CPE: variants seen among roughly 807,000 people sequenced by gnomAD.
CPE encodes the protein carboxypeptidase E.
A neutral mutation model predicts 53.5 loss-of-function variants in CPE; 17 were observed. The ratio of observed to expected loss-of-function variants is 0.32; its 90% CI spans 0.22 to 0.48. CPE has a LOEUF of 0.48. Among genes scored for constraint, CPE ranks in the 20% least tolerant of loss-of-function variants. The pLI is 0.99. For missense variants in CPE, 524 were observed against 614.7 expected (o/e 0.85, Z 1.56); for synonymous variants, 226 against 228.8 (o/e 0.99, Z 0.11).
intron 1 of CPE, among the ~76,000 whole-genome samples, chr4:165,422,971 T>C (rs77549778): frequency 0.3 from 37,102 of 124,470 alleles, 5,443 homozygotes; most frequent in Middle Eastern, 0.41. Flanking sequence ...AACGAAACTC[T>C]GTCTCAAAAA....
chr4:165,379,610 G>A lies in CPE; in HGVS notation c.307+82G>A. ...GTGGGACTGGTGGCGGTGGGGGAAGGAGGGAGGGATGGGCCCAGGGGTGCC... is the reference window on the plus strand; with the variant it reads ...GTGGGACTGGTGGCGGTGGGGGAAGAAGGGAGGGATGGGCCCAGGGGTGCC... On this transcript the variant is annotated intron_variant, in intron 1 of 8. Transcript: ENST00000402744. This position sits in a 1 kb window ranked among gnomAD's most constrained non-coding sequence, Gnocchi z 6.0. The A allele has an allele frequency of 2.3e-6, 2 of 865,152 alleles. No individual in the cohort carries two copies. Among genetic ancestry groups the A allele is most frequent in the Non-Finnish European group, 3.3e-6 (2 of 613,616 alleles). 53.6% of individuals were successfully genotyped at this position (865,152 alleles called of 1,614,324 possible).
At chr4:165,454,129 T>C (rs572228889) in intron 1 of CPE, among the ~76,000 whole-genome samples, 1 of 152,214 alleles carries the variant, frequency 6.6e-6, no homozygotes, top group African/African-American at 2.4e-5. Flanking sequence ...TTCCTGAAAA[T>C]TAAAAAAGCC....
At chr4:165,390,182 A>G (rs1730657711) in intron 1 of CPE, among the ~76,000 whole-genome samples, 1 of 152,192 alleles carries the variant, frequency 6.6e-6, no homozygotes, top group Non-Finnish European at 1.5e-5. Flanking sequence ...CAGATTAATT[A>G]CTGTATCCAC....
chr4:165,472,450 A>G (rs1438329983), intron 3 of CPE, among the ~76,000 whole-genome samples: 3 of 152,240 alleles, frequency 2.0e-5, no homozygotes, highest in Admixed American at 6.5e-5. Context: ...GCACACAATT[A>G]TGTAGCATAA....
chr4:165,392,487 T>TG (rs1730699216), intron 1 of CPE, among the ~76,000 whole-genome samples: 2 of 145,506 alleles, frequency 1.4e-5, no homozygotes, highest in Non-Finnish European at 3.0e-5. Flanking sequence ...TATCATATAT[T>TG]TACAATATAT....
At chr4:165,495,489 G>A (rs1273367322) in intron 7 of CPE, 70 bp from the exon 8 acceptor site, 4 of 990,686 alleles carry the variant, frequency 4.0e-6, no homozygotes, top group Non-Finnish European at 6.2e-6. Context: ...TCCTTAGATG[G>A]CATAATTATG....
chr4:165,442,921 A>T (rs970563689), intron 1 of CPE, among the ~76,000 whole-genome samples: 1 of 152,220 alleles, frequency 6.6e-6, no homozygotes, highest in African/African-American at 2.4e-5. Flanking sequence ...GCTGTCCCAG[A>T]ATTCAGAACC....
In CPE at chr4:165,404,262, C is replaced by T; in HGVS notation, c.307+24734C>T. 2.3e-5 allele frequency: 18 copies of T among 767,730 alleles called. 1 individual carries two copies. In the South Asian group the frequency reaches 2.4e-4, roughly 10 times the overall value. The allele number at this position is 767,730 out of a possible 1,614,324, so 47.6% of individuals were successfully genotyped here. A position where few individuals can be genotyped will look rare whatever the true frequency, so the allele number is the denominator to read the frequency against. ...CCGAAGACGGCTCCAATGTCTCCCT[C>T]TGCAGGTGTGGCCAAGATCCCCTCT... On this transcript the variant is annotated intron_variant, in intron 1 of 8. Coordinates refer to ENST00000402744, the MANE Select transcript of CPE (RefSeq NM_001873.4).
At chr4:165,393,942 G>A (rs1366074574) in intron 1 of CPE, among the ~76,000 whole-genome samples, 6 of 152,190 alleles carry the variant, frequency 3.9e-5, no homozygotes, top group Non-Finnish European at 8.8e-5. Flanking sequence ...TCTCTAAGAA[G>A]AAACAAGCTT....
At chr4:165,442,830 G>A (rs1372755008) in intron 1 of CPE, among the ~76,000 whole-genome samples, 1 of 152,146 alleles carries the variant, frequency 6.6e-6, no homozygotes, top group African/African-American at 2.4e-5. Context: ...TCCTAGTTCT[G>A]ATTCTGTGCC....
chr4:165,461,903 G>A (rs191606180), intron 1 of CPE, among the ~76,000 whole-genome samples: 6 of 152,354 alleles, frequency 3.9e-5, no homozygotes, highest in Admixed American at 3.9e-4. Context: ...GAGGACAGAA[G>A]GAGTTAGAGA....
chr4:165,467,679 T>C lies in CPE; in HGVS notation c.505-9T>C, dbSNP rs1241309999. ...TAATGATTTTTCTCTTTGACTTTTT[T>C]TTTTTTAGCCTGGTGAACTCAAGGA... On this transcript the variant is annotated splice_polypyrimidine_tract_variant and intron_variant, in intron 2 of 8. Transcript: ENST00000402744. 6.4e-7 allele frequency: 1 copy of C among 1,570,458 alleles called. No homozygotes were observed. The highest frequency in any genetic ancestry group is 8.6e-7 in the Non-Finnish European group (1 of 1,165,104).
rs1476676331 is a variant in CPE, at chr4:165,467,690, T to C, written c.507T>C (p.Pro169=). 6.4e-7 allele frequency: 1 copy of C among 1,573,172 alleles called. No homozygotes were observed. The highest frequency in any genetic ancestry group is 1.4e-5 in the African/African-American group (1 of 72,278). The change falls in exon 3 of 9, where the codon CCT becomes CCC. Residue 169 remains proline (P), a splice_region_variant and synonymous_variant. Transcript: ENST00000402744. ...PDGFEKAASQ[P]GELKDWFVGR... is the part of the protein sequence containing the mutation. ...CTCTTTGACTTTTTTTTTTTTAGCC[T>C]GGTGAACTCAAGGACTGGTTTGTGG...
chr4:165,456,691 C>G (rs1025675916), intron 1 of CPE, among the ~76,000 whole-genome samples: 2 of 149,526 alleles, frequency 1.3e-5, no homozygotes, highest in African/African-American at 5.0e-5. Flanking sequence ...CTCAGCCTCC[C>G]GAGTAGGAGT....
rs777834236 is a variant in CPE, at chr4:165,493,165, T to C, written c.1114-6T>C. 6.2e-7 allele frequency: 1 copy of C among 1,608,756 alleles called. No homozygotes were observed. The highest frequency in any genetic ancestry group is 8.5e-7 in the Non-Finnish European group (1 of 1,176,252). ...TTAATTTTTTGGTTATTTTTGACCT[T>C]CACAGATACACCGAGGAGTTAAAGG... On this transcript the variant is annotated splice_polypyrimidine_tract_variant and splice_region_variant and intron_variant, in intron 6 of 8. Transcript: ENST00000402744.
chr4:165,483,793 T>C (rs904320436), intron 4 of CPE, among the ~76,000 whole-genome samples: 3 of 152,198 alleles, frequency 2.0e-5, no homozygotes, highest in Non-Finnish European at 4.4e-5. Flanking sequence ...TCTTGTCCTT[T>C]GCCCACTTTT....
At chr4:165,484,341 A>G in intron 4 of CPE, 81 bp from the exon 5 acceptor site, 1 of 1,290,392 alleles carries the variant, frequency 7.7e-7, no homozygotes, top group Non-Finnish European at 1.1e-6. Flanking sequence ...ACAATTACTC[A>G]ATACTGAATC....
intron 5 of CPE, among the ~76,000 whole-genome samples, chr4:165,486,311 G>A (rs1201245204): frequency 1.3e-5 from 2 of 152,148 alleles, no homozygotes; most frequent in African/African-American, 4.8e-5. Flanking sequence ...AGCATCCTCT[G>A]CTAATTTGAG....
intron 6 of CPE, among the ~76,000 whole-genome samples, chr4:165,491,430 T>TA (rs1359618937): frequency 6.6e-5 from 10 of 152,200 alleles, no homozygotes; most frequent in African/African-American, 2.2e-4. Context: ...TTAAGAAATT[T>TA]AGAGTTTGGG....
Sources: gnomAD v4.1 joint callset for allele counts (sites outside exome capture counted in the v4.1 genomes callset) on GRCh38, gnomAD v4.1.1 for gene constraint, Gnocchi (gnomAD v3.1) non-coding constraint, MANE v1.5 for transcripts, NCBI Gene and HGNC (gene_info 2026-07-23, HGNC 2026-07-21) for gene names.